Variants in ZSWIM4 observed in about 807,000 individuals in gnomAD.
ZSWIM4 encodes zinc finger SWIM-type containing 4.
ZSWIM4 carries 62 observed loss-of-function variants against 102.5 expected under a neutral mutation model. That is an observed-to-expected ratio of 0.60 (90% CI 0.49 to 0.75). The LOEUF is 0.75. ZSWIM4 is among the 30% of genes least tolerant of loss of function. The probability of loss-of-function intolerance (pLI) is 0.00; values close to 1 mark genes in which losing one functional copy is unlikely to be tolerated. For synonymous variants in ZSWIM4, 652 were observed against 674.5 expected, an observed-to-expected ratio of 0.97 and a Z score of 0.52; for missense variants, 1,280 against 1,529.6, an observed-to-expected ratio of 0.84 and a Z score of 2.72.
intron 10 of ZSWIM4, among the ~76,000 whole-genome samples, chr19:13,821,723 AT>A (rs61364408): frequency 0.3 from 43,641 of 147,240 alleles, 6,811 homozygotes; most frequent in African/African-American, 0.43. Context: ...CTAGTTTTAA[AT>A]TTTTTTTTTT....
At chr19:13,823,239 C>A in intron 10 of ZSWIM4, 107 bp from the exon 11 acceptor site, 2 of 1,194,104 alleles carry the variant, frequency 1.7e-6, no homozygotes, top group Non-Finnish European at 2.4e-6. Context: ...GCTCTCAGGG[C>A]TCTGCTGGCT....
chr19:13,830,216 G>A lies in ZSWIM4; in HGVS notation c.2487G>A (p.Met829Ile), dbSNP rs2145388311. The change falls in exon 14 of 14, where the codon ATG becomes ATA. Residue 829 changes from methionine (M) to isoleucine (I), a missense_variant. By Grantham distance (10) the Met-to-Ile change is conservative. Coordinates refer to ENST00000590508, the MANE Select transcript of ZSWIM4 (RefSeq NM_001367834.3). ...EIGPQALMNI[M>I]QNWYSLFTPV... is the part of the protein sequence containing the mutation. Reference sequence around the variant, plus strand: ...GCCCGCAAGCCCTGATGAATATCATGCAGAACTGGTATTCCTTATTCACAC... The same window carrying A: ...GCCCGCAAGCCCTGATGAATATCATACAGAACTGGTATTCCTTATTCACAC... 1 of 1,613,356 alleles carries A rather than the reference G, an allele frequency of 6.2e-7. No homozygotes were observed. The highest frequency in any genetic ancestry group is 8.5e-7 in the Non-Finnish European group (1 of 1,179,856).
chr19:13,824,756 A>AATAATAATG (rs1555716030), intron 11 of ZSWIM4, among the ~76,000 whole-genome samples: 18 of 65,878 alleles, frequency 2.7e-4, no homozygotes, highest in African/African-American at 1.5e-3. Context: ...TAATAATAAT[A>AATAATAATG]ATAATAATAA....
In ZSWIM4 at chr19:13,830,992, A is replaced by G. The variant is rs539349174; in HGVS notation, c.3263A>G (p.Lys1088Arg). The part of the protein sequence containing the change: ...LQFSQFLENL[K>R]QTYKGKKKLM... ...TTCTCACAGTTCTTGGAGAACCTCA[A>G]ACAGACCTACAAGGGCAAGAAGAAA... Residue 1088 changes from lysine (K) to arginine (R), a missense_variant, in exon 14 of 14, where the codon AAA becomes AGA. By Grantham distance (26) the Lys-to-Arg change is conservative. Coordinates refer to ENST00000590508, the MANE Select transcript of ZSWIM4 (RefSeq NM_001367834.3). 1.9e-6 allele frequency: 3 copies of G among 1,612,816 alleles called. No individual in the cohort carries two copies. The highest frequency in any genetic ancestry group is 4.5e-5 in the East Asian group (2 of 44,874).
rs559660684 is a variant in ZSWIM4 at position 13,819,449 on chromosome 19, C to T, written c.2017C>T (p.His673Tyr). The change falls in exon 10 of 14, where the codon CAT (histidine) becomes TAT (tyrosine). Residue 673 changes from histidine to tyrosine, a missense_variant. Physicochemically the swap from His to Tyr is moderately conservative, Grantham distance 83 (BLOSUM62 2). Coordinates refer to ENST00000590508, the MANE Select transcript of ZSWIM4 (RefSeq NM_001367834.3). ...CTACCTGTTCACCGCACTGCTGCCT[C>T]ATGACCCGGACCTGGCCTATCGCCT... is the stretch of plus-strand genomic sequence containing the variant. The part of the protein sequence containing the change: ...ARYLFTALLP[H>Y]DPDLAYRLAL... The T allele has an allele frequency of 3.1e-6, 5 of 1,609,622 alleles. No homozygotes were observed. The East Asian group carries it at 9.0e-5, about 29-fold the overall frequency.
chr19:13,817,320 C>A lies in ZSWIM4; in HGVS notation c.1636C>A (p.Arg546Ser). 6.2e-7 allele frequency: 1 copy of A among 1,613,950 alleles called. No individual in the cohort carries two copies. Among genetic ancestry groups the A allele is most frequent in the East Asian group, 2.2e-5 (1 of 44,864 alleles). The stretch of plus-strand genomic sequence containing the variant: ...CTGCAGGGCGCTCCTGGAGGCCTGT[C>A]GTCTGGAGGAGGAGACACTTACCCT... ...CLCRALLEACRLEEETLTLYP... is the reference protein window; with the variant it reads ...CLCRALLEACSLEEETLTLYP... Residue 546 changes from arginine (R) to serine (S), a missense_variant, in exon 8 of 14, where the codon CGT (arginine) becomes AGT (serine). By Grantham distance (110) the Arg-to-Ser change is moderately radical. Transcript: ENST00000590508.
At chr19:13,822,149 A>AACACAC (rs147655793) in intron 10 of ZSWIM4, among the ~76,000 whole-genome samples, 3 of 113,186 alleles carry the variant, frequency 2.7e-5, no homozygotes, top group East Asian at 5.2e-4. Flanking sequence ...AAAACACACA[A>AACACAC]ACACACACAC....
At position 13,823,554 on chromosome 19, in the gene ZSWIM4, C is replaced by T. The variant is rs2145365247; in HGVS notation, c.2215+54C>T. 2.6e-6 allele frequency: 4 copies of T among 1,531,644 alleles called. No individual in the cohort carries two copies. In the East Asian group the frequency reaches 7.4e-5, roughly 28 times the overall value. 94.9% of individuals were successfully genotyped at this position (1,531,644 alleles called of 1,614,324 possible). A position where few individuals can be genotyped will look rare whatever the true frequency, so the allele number is the denominator to read the frequency against. ...TGTCTTCCTCCTCTGTCATCTCCTT[C>T]TTCCTTCCCTCTTAACTTTCCTGCC... On this transcript the variant is annotated intron_variant, in intron 11 of 13. Transcript: ENST00000590508.
chr19:13,811,919 G>A (rs985309648), intron 5 of ZSWIM4, among the ~76,000 whole-genome samples: 1 of 151,514 alleles, frequency 6.6e-6, no homozygotes, highest in African/African-American at 2.4e-5. Flanking sequence ...TACTAAAAAT[G>A]CAAAAATTAG....
At position 13,830,739 on chromosome 19, in the gene ZSWIM4, ACT is replaced by A; in HGVS notation, c.3016_3017del (p.Ser1006GlyfsTer159). 6.2e-7 allele frequency: 1 copy of A among 1,606,906 alleles called. No individual in the cohort carries two copies. Among genetic ancestry groups the A allele is most frequent in the Non-Finnish European group, 8.5e-7 (1 of 1,177,228 alleles). On this transcript the variant is annotated frameshift_variant, in exon 14 of 14. Transcript: ENST00000590508. LOFTEE classifies it high-confidence loss of function. ...GCTGTCCGATATTCTGCGCCGCTGG[ACT>A]CTCTCGGCGCCCGGTCTGGGCCCCT... is the stretch of plus-strand genomic sequence containing the variant. ...PMLSDILRRW[T>X]LSAPGLGPLG...
chr19:13,820,500 C>T (rs1011497202), intron 10 of ZSWIM4, among the ~76,000 whole-genome samples: 1 of 152,224 alleles, frequency 6.6e-6, no homozygotes, highest in African/African-American at 2.4e-5. Context: ...CTTTCCAAAG[C>T]TCTGGGATTA....
Position 13,825,867 on chromosome 19 carries a change from G to A in ZSWIM4, c.2379+154G>A, listed in dbSNP as rs939757211. ...ATTCCTCTGTGGCTGGGGACTGAGC[G>A]AGAACCACTCTTGGGGCGGGGACTG... is the stretch of plus-strand genomic sequence containing the variant. On this transcript the variant is annotated intron_variant, in intron 12 of 13. Coordinates refer to ENST00000590508, the MANE Select transcript of ZSWIM4 (RefSeq NM_001367834.3). The surrounding 1 kb of genome is among the most constrained non-coding windows in gnomAD (Gnocchi z 4.6). Among the ~76,000 whole-genome samples, 6 of 152,226 alleles carry A rather than the reference G, an allele frequency of 3.9e-5. No homozygotes were observed. The highest frequency in any genetic ancestry group is 9.6e-5 in the African/African-American group (4 of 41,460).
At chr19:13,795,866 C>T (rs574681846) in intron 1 of ZSWIM4, 65 bp downstream of exon 1, 6 of 1,063,724 alleles carry the variant, frequency 5.6e-6, no homozygotes, top group Non-Finnish European at 7.0e-6. Flanking sequence ...CCTGTCTTCT[C>T]CTCCCCCACA....
In ZSWIM4 at chr19:13,802,224, C is replaced by T. The variant is rs369559576; in HGVS notation, c.355+2303C>T. Among the ~76,000 whole-genome samples, 96 of 151,780 alleles carry T rather than the reference C, an allele frequency of 6.3e-4. No individual in the cohort carries two copies. In the East Asian group the frequency reaches 0.013, roughly 21 times the overall value. ...ATCTCCTGACCTAGTGATCCGCCCGCCTCAGCCTCCTACAGTGCTGGGATT... is the reference window on the plus strand; with the variant it reads ...ATCTCCTGACCTAGTGATCCGCCCGTCTCAGCCTCCTACAGTGCTGGGATT... On this transcript the variant is annotated intron_variant, in intron 2 of 13. Coordinates refer to ENST00000590508, the MANE Select transcript of ZSWIM4 (RefSeq NM_001367834.3).
In ZSWIM4 at chr19:13,814,857, A is replaced by C; in HGVS notation, c.1523A>C (p.Gln508Pro). The stretch of plus-strand genomic sequence containing the variant: ...CATCAGCTAGAGAGCTACAAGCAGC[A>C]GAAAAAAGGTCAGCCTCAGCCGGGC... ...QRHQLESYKQ[Q>P]KKELLQKGST... Residue 508 changes from glutamine (Q) to proline (P), a missense_variant, in exon 7 of 14, where the codon CAG (glutamine) becomes CCG (proline). Coordinates refer to ENST00000590508, the MANE Select transcript of ZSWIM4 (RefSeq NM_001367834.3). The C allele has an allele frequency of 8.0e-7, 1 of 1,248,818 alleles. No individual in the cohort carries two copies. Among genetic ancestry groups the C allele is most frequent in the Non-Finnish European group, 1.0e-6 (1 of 958,598 alleles). 77.4% of individuals were successfully genotyped at this position (1,248,818 alleles called of 1,614,324 possible).
Position 13,828,666 on chromosome 19 carries a change from G to A in ZSWIM4, c.2401G>A (p.Val801Ile), listed in dbSNP as rs564598062. The change falls in exon 13 of 14, where the codon GTA becomes ATA. Residue 801 changes from valine (V) to isoleucine (I), a missense_variant. Coordinates refer to ENST00000590508, the MANE Select transcript of ZSWIM4 (RefSeq NM_001367834.3). The stretch of plus-strand genomic sequence containing the variant: ...GCAGGTGATGCGGATGACTCTGAAC[G>A]TAATGACCTGGCGGCGGAGGGAGAT... ...GLQVMRMTLN[V>I]MTWRRREMVR... The A allele has an allele frequency of 6.2e-6, 10 of 1,614,088 alleles. No individual in the cohort carries two copies. The highest frequency in any genetic ancestry group is 4.0e-5 in the African/African-American group (3 of 75,022).
chr19:13,801,155 G>GGAAA (rs1974761274), intron 2 of ZSWIM4, among the ~76,000 whole-genome samples: 1 of 140,210 alleles, frequency 7.1e-6, no homozygotes, highest in South Asian at 2.2e-4. Flanking sequence ...AGAGAAAAAA[G>GGAAA]AAAAAAAAAA....
intron 5 of ZSWIM4, 93 bp from the exon 6 acceptor site, chr19:13,812,904 G>A: frequency 7.2e-7 from 1 of 1,384,254 alleles, no homozygotes; most frequent in East Asian, 2.4e-5. Context: ...TGAGGGGTTA[G>A]CAGATCATCA....
chr19:13,799,393 C>A (rs1045858854), intron 1 of ZSWIM4, among the ~76,000 whole-genome samples: 11 of 151,564 alleles, frequency 7.3e-5, no homozygotes, highest in African/African-American at 2.4e-4. Context: ...CCTGCCTCAG[C>A]CTCCCGAGCA....
Sources: allele counts gnomAD v4.1 joint callset (sites outside exome capture counted in the v4.1 genomes callset), GRCh38; gene constraint gnomAD v4.1.1; non-coding constraint Gnocchi (gnomAD v3.1); transcripts MANE v1.5; gene names NCBI Gene and HGNC (gene_info 2026-07-23, HGNC 2026-07-21).